Variants in UBLCP1 observed in about 807,000 individuals in gnomAD.
The protein encoded by UBLCP1 is ubiquitin-like domain-containing CTD phosphatase 1.
Under a neutral mutation model 42.4 loss-of-function variants are expected in UBLCP1, and 28 were observed. The ratio of observed to expected loss-of-function variants is 0.66; its 90% confidence interval spans 0.49 to 0.90. UBLCP1 has a LOEUF of 0.90. Among genes scored for constraint, UBLCP1 ranks in the 40% least tolerant of loss-of-function variants. The probability of loss-of-function intolerance (pLI) is 0.00; values close to 1 mark genes in which losing one functional copy is unlikely to be tolerated. For synonymous variants in UBLCP1, 122 were observed against 120.8 expected (o/e 1.01, Z -0.07); for missense variants, 279 against 374.5 (o/e 0.75, Z 2.10).
chr5:159,264,950 T>G (rs888379093), intron 1 of UBLCP1, among the ~76,000 whole-genome samples: 1 of 152,244 alleles, frequency 6.6e-6, no homozygotes, highest in Admixed American at 6.5e-5. Flanking sequence ...TAGGATTCCC[T>G]TTTATTCTTA....
At chr5:159,277,499 A>G (rs1163544294) in intron 8 of UBLCP1, among the ~76,000 whole-genome samples, 1 of 152,200 alleles carries the variant, frequency 6.6e-6, no homozygotes, top group Admixed American at 6.5e-5. Flanking sequence ...ATACATTTGC[A>G]TGACTAAAAA....
At chr5:159,270,122 C>CTG in intron 3 of UBLCP1, 123 bp downstream of exon 3, 1 of 908,872 alleles carries the variant, frequency 1.1e-6, no homozygotes, top group Non-Finnish European at 1.6e-6. Context: ...AAAATAAAAC[C>CTG]CGCACCGTGA....
chr5:159,267,322 G>A (rs980884106), intron 1 of UBLCP1, among the ~76,000 whole-genome samples: 23 of 152,146 alleles, frequency 1.5e-4, no homozygotes, highest in African/African-American at 5.6e-4. Context: ...TTTCGGACTT[G>A]CATGGGCCCT....
At chr5:159,284,133 T>A (rs1331236297) in intron 10 of UBLCP1, among the ~76,000 whole-genome samples, 2 of 152,152 alleles carry the variant, frequency 1.3e-5, no homozygotes, top group Non-Finnish European at 2.9e-5. Flanking sequence ...GAGTCTATAA[T>A]CCTAATAGGA....
chr5:159,274,614 A>G lies in UBLCP1; in HGVS notation c.577A>G (p.Lys193Glu), dbSNP rs1240003332. ...AACAAATATGAAGTGGATTGAAGCT[A>G]AAATGAAAGTAAGTGTTAGAAAGCA... is the stretch of plus-strand genomic sequence containing the variant. ...SATNMKWIEAKMKELGVSTNA... is the reference protein window; with the variant it reads ...SATNMKWIEAEMKELGVSTNA... The change falls in exon 7 of 11, where the codon AAA becomes GAA. Residue 193 changes from lysine to glutamate, a missense_variant. Lys to Glu is a moderately conservative substitution (Grantham distance 56). Coordinates refer to ENST00000296786, the MANE Select transcript of UBLCP1 (RefSeq NM_145049.5). 4.3e-6 allele frequency: 7 copies of G among 1,611,410 alleles called. No homozygotes were observed. The highest frequency in any genetic ancestry group is 5.9e-6 in the Non-Finnish European group (7 of 1,178,480).
Position 159,272,108 on chromosome 5 carries a change from C to T in UBLCP1, c.534C>T (p.Asp178=). 4 of 1,612,440 alleles carry T rather than the reference C, an allele frequency of 2.5e-6. No individual in the cohort carries two copies. The highest frequency in any genetic ancestry group is 3.4e-6 in the Non-Finnish European group (4 of 1,179,176). Residue 178 remains aspartate (D), a synonymous_variant, in exon 6 of 11, where the codon GAC becomes GAT. Transcript: ENST00000296786. The stretch of plus-strand genomic sequence containing the variant: ...TAACATCTGCCTATGAAGATTATGA[C>T]ATTGTTATTTGGTGTAAGCTGTATT... The part of the protein sequence containing the change: ...EFLTSAYEDY[D]IVIWSATNMK...
rs546645746 is a variant in UBLCP1, at chr5:159,263,303, T to C, written c.-104T>C. The C allele has an allele frequency of 6.6e-6, 1 of 152,486 alleles. No homozygotes were observed. Among genetic ancestry groups the C allele is most frequent in the African/African-American group, 2.4e-5 (1 of 41,580 alleles). The allele number at this position is 152,486 out of a possible 1,614,324, so 9.4% of individuals were successfully genotyped here. A position where few individuals can be genotyped will look rare whatever the true frequency, so the allele number is the denominator to read the frequency against. ...GTCCCGCCCTTCACTTCCGGTCGCT[T>C]TCGGTCTCTCAGCGGCCGGTTTCTG... On this transcript the variant is annotated 5_prime_UTR_variant, in exon 1 of 11. Transcript: ENST00000296786.
Position 159,285,221 on chromosome 5 carries a change from CACACACACACACACACACACACAAA to C in UBLCP1, c.*291_*315del, listed in dbSNP as rs1223538894. 3 of 253,076 alleles carry C rather than the reference CACACACACACACACACACACACAAA, an allele frequency of 1.2e-5. No individual in the cohort carries two copies. The highest frequency in any genetic ancestry group is 2.2e-5 in the Non-Finnish European group (3 of 135,626). 15.7% of individuals were successfully genotyped at this position (253,076 alleles called of 1,614,324 possible). A position where few individuals can be genotyped will look rare whatever the true frequency, so the allele number is the denominator to read the frequency against. On this transcript the variant is annotated 3_prime_UTR_variant, in exon 11 of 11. Transcript: ENST00000296786. ...CCACACACACACACACACACACACACACACACACACACACACACACACAAAGTGGAGAAAAATGTATACTCAACAA... is the reference window on the plus strand; with the variant it reads ...CCACACACACACACACACACACACACGTGGAGAAAAATGTATACTCAACAA...
chr5:159,268,872 AT>A lies in UBLCP1; in HGVS notation c.-35del, dbSNP rs760686462. On this transcript the variant is annotated 5_prime_UTR_variant, in exon 2 of 11. Transcript: ENST00000296786. ...TTCATTTTTGTCTTCCTTTCCAGGT[AT>A]TTTTTTTTCTGAAGGAAAGCTGCTT... is the stretch of plus-strand genomic sequence containing the variant. 51 of 1,528,430 alleles carry A rather than the reference AT, an allele frequency of 3.3e-5. No individual in the cohort carries two copies. Among genetic ancestry groups the A allele is most frequent in the Admixed American group, 1.6e-4 (8 of 50,362 alleles). 94.7% of individuals were successfully genotyped at this position (1,528,430 alleles called of 1,614,324 possible). A position where few individuals can be genotyped will look rare whatever the true frequency, so the allele number is the denominator to read the frequency against.
chr5:159,269,982 A>G lies in UBLCP1; in HGVS notation c.229A>G (p.Thr77Ala). The change falls in exon 3 of 11, where the codon ACT (threonine) becomes GCT (alanine). Residue 77 changes from threonine (T) to alanine (A), a missense_variant. By Grantham distance (58) the Thr-to-Ala change is moderately conservative. Coordinates refer to ENST00000296786, the MANE Select transcript of UBLCP1 (RefSeq NM_145049.5). ...KPNTKIMMMGTREESLEDVLG... is the reference protein window; with the variant it reads ...KPNTKIMMMGAREESLEDVLG... ...AAATACTAAAATCATGATGATGGGA[A>G]CTCGTGAGGAGAGCTTGGTAAATGT... 6.2e-7 allele frequency: 1 copy of G among 1,611,738 alleles called. No homozygotes were observed. Among genetic ancestry groups the G allele is most frequent in the Non-Finnish European group, 8.5e-7 (1 of 1,179,214 alleles).
intron 1 of UBLCP1, among the ~76,000 whole-genome samples, chr5:159,267,101 C>A (rs1189468924): frequency 1.3e-5 from 2 of 152,126 alleles, no homozygotes; most frequent in Admixed American, 6.5e-5. Flanking sequence ...GCAGATCTGA[C>A]AACAGCTTGT....
At chr5:159,274,512 T>C in intron 6 of UBLCP1, 73 bp from the exon 7 acceptor site, 1 of 1,351,596 alleles carries the variant, frequency 7.4e-7, no homozygotes, top group African/African-American at 1.5e-5. Flanking sequence ...CTTAGAAAAC[T>C]TACTTATACA....
At chr5:159,281,867 A>C (rs1398600860) in intron 9 of UBLCP1, among the ~76,000 whole-genome samples, 1 of 152,158 alleles carries the variant, frequency 6.6e-6, no homozygotes, top group South Asian at 2.1e-4. Context: ...TGACCAAAAA[A>C]AAAAAAAACT....
At chr5:159,284,601 G>T (rs893490867) in intron 10 of UBLCP1, among the ~76,000 whole-genome samples, 3 of 152,148 alleles carry the variant, frequency 2.0e-5, no homozygotes, top group Non-Finnish European at 4.4e-5. Context: ...CTGGAGCCTT[G>T]TTTTGAATCT....
chr5:159,270,126 A>C (rs1753446637), intron 3 of UBLCP1, 127 bp downstream of exon 3: 1 of 806,954 alleles, frequency 1.2e-6, no homozygotes, highest in East Asian at 2.7e-5. Flanking sequence ...TAAAACCCGC[A>C]CCGTGAATGT....
chr5:159,281,804 A>G (rs1427729200), intron 9 of UBLCP1, among the ~76,000 whole-genome samples: 1 of 152,118 alleles, frequency 6.6e-6, no homozygotes, highest in African/African-American at 2.4e-5. Context: ...GTAAGTGACA[A>G]TGATTAAATA....
At chr5:159,282,495 T>G (rs917812542) in intron 9 of UBLCP1, among the ~76,000 whole-genome samples, 1 of 152,160 alleles carries the variant, frequency 6.6e-6, no homozygotes, top group Non-Finnish European at 1.5e-5. Context: ...GCACCGCCAC[T>G]CAAGTCAAGA....
chr5:159,267,694 A>G (rs1446275999), intron 1 of UBLCP1, among the ~76,000 whole-genome samples: 1 of 152,184 alleles, frequency 6.6e-6, no homozygotes, highest in East Asian at 1.9e-4. Flanking sequence ...GGGGAAGGTA[A>G]TTGAATCTTG....
At chr5:159,279,842 G>T (rs1245090629) in intron 9 of UBLCP1, among the ~76,000 whole-genome samples, 3 of 152,060 alleles carry the variant, frequency 2.0e-5, no homozygotes. Flanking sequence ...TGAAACGAAT[G>T]GTTATTACCT....
Sources: allele counts gnomAD v4.1 joint callset (sites outside exome capture counted in the v4.1 genomes callset), GRCh38; gene constraint gnomAD v4.1.1; transcripts MANE v1.5; gene names NCBI Gene and HGNC (gene_info 2026-07-23, HGNC 2026-07-21).